Variants in FBLN2 observed in about 807,000 individuals in gnomAD.
FBLN2 encodes the protein fibulin-2.
Under a neutral mutation model 123.7 loss-of-function variants are expected in FBLN2, and 81 were observed. The observed-to-expected ratio is 0.65, with a 90% CI of 0.55 to 0.79. The LOEUF is 0.79. FBLN2 is among the 30% of genes least tolerant of loss of function. The probability of loss-of-function intolerance (pLI) is 0.00; values close to 1 mark genes in which losing one functional copy is unlikely to be tolerated. For missense variants in FBLN2, 1,603 were observed against 1,681.3 expected, an observed-to-expected ratio of 0.95 and a Z score of 0.81; for synonymous variants, 699 against 701.4, an observed-to-expected ratio of 1.00 and a Z score of 0.05.
chr3:13,556,185 G>A (rs1446695521), intron 1 of FBLN2, among the ~76,000 whole-genome samples: 1 of 152,220 alleles, frequency 6.6e-6, no homozygotes, highest in Non-Finnish European at 1.5e-5. Flanking sequence ...GATGAGTCGG[G>A]GAGGAGATTG....
intron 4 of FBLN2, among the ~76,000 whole-genome samples, chr3:13,610,645 C>T (rs1705360384): frequency 6.6e-6 from 1 of 152,150 alleles, no homozygotes; most frequent in Admixed American, 6.5e-5. Flanking sequence ...AGTTTGTCTA[C>T]TAGAGCTCAT....
chr3:13,583,603 G>A (rs952784253), intron 2 of FBLN2, among the ~76,000 whole-genome samples: 2 of 152,184 alleles, frequency 1.3e-5, no homozygotes, highest in African/African-American at 2.4e-5. Context: ...CTCTGCACTC[G>A]CCCCCCTGCC....
chr3:13,549,231 G>T (rs1186804467), intron 1 of FBLN2, 23 bp downstream of exon 1: 14 of 983,126 alleles, frequency 1.4e-5, no homozygotes, highest in Non-Finnish European at 1.6e-5. Flanking sequence ...GGCCCCTCCC[G>T]CCCGGACTCA....
intron 2 of FBLN2, among the ~76,000 whole-genome samples, chr3:13,574,277 A>G (rs768447725): frequency 2.6e-5 from 4 of 152,194 alleles, no homozygotes; most frequent in Non-Finnish European, 5.9e-5. Context: ...TCCTGGGGCC[A>G]CAGGCTGTGC....
intron 2 of FBLN2, among the ~76,000 whole-genome samples, chr3:13,593,707 C>G (rs1191537730): frequency 1.7e-5 from 2 of 120,692 alleles, no homozygotes; most frequent in Non-Finnish European, 1.6e-5. Flanking sequence ...GAGTGAGACT[C>G]TATCTCAAAA....
chr3:13,580,931 T>A (rs1704305242), intron 2 of FBLN2, among the ~76,000 whole-genome samples: 1 of 152,210 alleles, frequency 6.6e-6, no homozygotes, highest in Non-Finnish European at 1.5e-5. Flanking sequence ...GTGTCTGTGG[T>A]CACCTGGCAG....
chr3:13,614,453 C>T (rs991697466), intron 5 of FBLN2, among the ~76,000 whole-genome samples: 2 of 152,180 alleles, frequency 1.3e-5, no homozygotes, highest in African/African-American at 4.8e-5. Flanking sequence ...CCTCCCTACC[C>T]ACTTATCAGT....
chr3:13,570,620 T>A lies in FBLN2; in HGVS notation c.265T>A (p.Tyr89Asn). The A allele has an allele frequency of 6.3e-7, 1 of 1,580,824 alleles. No individual in the cohort carries two copies. ...VRGRVPAGQSYFVDFGSTECS... is the reference protein window; with the variant it reads ...VRGRVPAGQSNFVDFGSTECS... ...CGGCCGCGTGCCCGCCGGTCAGTCC[T>A]ATTTTGTGGACTTCGGGAGCACTGA... is the stretch of plus-strand genomic sequence containing the variant. Residue 89 changes from tyrosine to asparagine, a missense_variant, in exon 2 of 18, where the codon TAT (tyrosine) becomes AAT (asparagine). Physicochemically the swap from Tyr to Asn is moderately radical, Grantham distance 143. Transcript: ENST00000404922.
intron 1 of FBLN2, among the ~76,000 whole-genome samples, chr3:13,556,637 G>A (rs1703471839): frequency 6.6e-6 from 1 of 152,228 alleles, no homozygotes; most frequent in African/African-American, 2.4e-5. Flanking sequence ...AGGGTGTGGT[G>A]GGGAGGCCAT....
intron 2 of FBLN2, among the ~76,000 whole-genome samples, chr3:13,578,800 A>G (rs1326830793): frequency 6.6e-6 from 1 of 152,196 alleles, no homozygotes; most frequent in African/African-American, 2.4e-5. Context: ...CACGCCTGTA[A>G]TCCCAGCACT....
At chr3:13,624,867 G>A (rs1705975961) in intron 9 of FBLN2, among the ~76,000 whole-genome samples, 1 of 152,286 alleles carries the variant, frequency 6.6e-6, no homozygotes, top group African/African-American at 2.4e-5. Context: ...AGCACCAGGA[G>A]GGGGTAGATG....
chr3:13,590,724 A>G (rs1009905059), intron 2 of FBLN2, among the ~76,000 whole-genome samples: 1 of 152,238 alleles, frequency 6.6e-6, no homozygotes, highest in African/African-American at 2.4e-5. Context: ...AAGGTATTTG[A>G]GACTCATGCA....
intron 5 of FBLN2, among the ~76,000 whole-genome samples, chr3:13,615,071 T>C (rs1195482414): frequency 6.6e-6 from 1 of 152,244 alleles, no homozygotes; most frequent in Non-Finnish European, 1.5e-5. Context: ...TCTTCCCTTC[T>C]TGTGCTGTAG....
chr3:13,635,735 G>A (rs1465484405), intron 16 of FBLN2, among the ~76,000 whole-genome samples: 1 of 152,198 alleles, frequency 6.6e-6, no homozygotes, highest in African/African-American at 2.4e-5. Flanking sequence ...ATTGAGCGCT[G>A]CTCCATGCAG....
intron 2 of FBLN2, among the ~76,000 whole-genome samples, chr3:13,575,727 C>G (rs1468098555): frequency 6.6e-6 from 1 of 152,068 alleles, no homozygotes; most frequent in Non-Finnish European, 1.5e-5. Flanking sequence ...ATTTCAGAAA[C>G]CCTGGAAGCT....
chr3:13,605,690 C>T (rs913328088), intron 2 of FBLN2, among the ~76,000 whole-genome samples: 1 of 152,134 alleles, frequency 6.6e-6, no homozygotes, highest in African/African-American at 2.4e-5. Flanking sequence ...TACGGGCTGT[C>T]GTGAGGACTT....
chr3:13,550,794 A>T (rs1249738040), intron 1 of FBLN2, among the ~76,000 whole-genome samples: 2 of 152,230 alleles, frequency 1.3e-5, no homozygotes, highest in African/African-American at 4.8e-5. Context: ...GGGGGTGAGC[A>T]GGGGATGAAG....
At chr3:13,623,216 G>A (rs534539242) in intron 9 of FBLN2, among the ~76,000 whole-genome samples, 6 of 152,302 alleles carry the variant, frequency 3.9e-5, no homozygotes, top group South Asian at 2.1e-4. Context: ...GGTTGGGTCC[G>A]TGTGTGTACG....
chr3:13,622,635 G>C (rs1002421178), intron 9 of FBLN2, among the ~76,000 whole-genome samples: 3 of 152,226 alleles, frequency 2.0e-5, no homozygotes, highest in African/African-American at 7.2e-5. Flanking sequence ...CCTGCACATC[G>C]CCCGGGTTGG....
Sources: allele counts gnomAD v4.1 joint callset (sites outside exome capture counted in the v4.1 genomes callset), GRCh38; gene constraint gnomAD v4.1.1; transcripts MANE v1.5; gene names NCBI Gene and HGNC (gene_info 2026-07-23, HGNC 2026-07-21).